Variants in GALNT13 observed in about 807,000 individuals in gnomAD.
GALNT13 encodes UDP-GalNAc:polypeptide N-acetylgalactosaminyltransferase 13.
Under a neutral mutation model 64.2 loss-of-function variants are expected in GALNT13, and 28 were observed. The ratio of observed to expected loss-of-function variants is 0.44; its 90% confidence interval spans 0.32 to 0.60. The LOEUF (loss-of-function observed/expected upper bound fraction) is 0.60, where lower values mean the gene tolerates loss of function less well. Ranked by LOEUF, GALNT13 falls within the 20% of genes least tolerant of loss-of-function variation. GALNT13 has a pLI of 0.05. For synonymous variants in GALNT13, 214 were observed against 224.6 expected (o/e 0.95, Z 0.42); for missense variants, 577 against 669.8 (o/e 0.86, Z 1.53).
At chr2:153,875,785 A>G (rs1209883361) in intron 1 of GALNT13, among the ~76,000 whole-genome samples, 1 of 152,214 alleles carries the variant, frequency 6.6e-6, no homozygotes, top group Non-Finnish European at 1.5e-5. Context: ...TTATAATGCT[A>G]CATATCTCTG....
intron 3 of GALNT13, among the ~76,000 whole-genome samples, chr2:154,084,545 G>T (rs1480237264): frequency 1.3e-5 from 2 of 151,786 alleles, no homozygotes; most frequent in African/African-American, 2.4e-5. Flanking sequence ...CTGTAAAACT[G>T]CTTACTACAA....
chr2:153,248,579 TGAG>T, the GALNT13 span, among the ~76,000 whole-genome samples: 1 of 151,766 alleles, frequency 6.6e-6, no homozygotes, highest in Non-Finnish European at 1.5e-5. Flanking sequence ...TTTGGGAGGC[TGAG>T]GAGGGCAGAT....
At chr2:153,323,706 T>G in the GALNT13 span, among the ~76,000 whole-genome samples, 1 of 152,206 alleles carries the variant, frequency 6.6e-6, no homozygotes, top group Admixed American at 6.5e-5. Context: ...TTTCTGCATA[T>G]GGCTAGGCAG....
the GALNT13 span, among the ~76,000 whole-genome samples, chr2:153,278,305 T>C: frequency 6.6e-6 from 1 of 152,176 alleles, no homozygotes; most frequent in Non-Finnish European, 1.5e-5. Context: ...TTCTGTAGGT[T>C]GTCTGTTTAC....
At chr2:153,195,750 C>T in the GALNT13 span, among the ~76,000 whole-genome samples, 7 of 152,192 alleles carry the variant, frequency 4.6e-5, no homozygotes, top group South Asian at 6.2e-4. Context: ...CACCATTCAG[C>T]GGGTCCCGAG....
At chr2:154,456,387 C>CGT (rs1702033583), downstream of GALNT13, among the ~76,000 whole-genome samples, 1 of 152,030 alleles carries the variant, frequency 6.6e-6, no homozygotes, top group Non-Finnish European at 1.5e-5. Context: ...TTTAAATATT[C>CGT]ATACATTTTT....
chr2:154,055,945 A>G (rs987757261), intron 3 of GALNT13, among the ~76,000 whole-genome samples: 1 of 152,128 alleles, frequency 6.6e-6, no homozygotes, highest in Non-Finnish European at 1.5e-5. Context: ...AAAGGAGGTT[A>G]AATGACATCT....
intron 2 of GALNT13, among the ~76,000 whole-genome samples, chr2:153,902,454 C>T (rs1054658631): frequency 6.6e-6 from 1 of 152,032 alleles, no homozygotes; most frequent in African/African-American, 2.4e-5. Flanking sequence ...AAAAAGAACT[C>T]TCAAGGAAAC....
intron 4 of GALNT13, among the ~76,000 whole-genome samples, chr2:154,204,267 C>T (rs1687322345): frequency 6.6e-6 from 1 of 152,144 alleles, no homozygotes; most frequent in Non-Finnish European, 1.5e-5. Context: ...TTAAGTGTTT[C>T]ATAGAACTTA....
In GALNT13 at chr2:154,453,675, G is replaced by A. The variant is rs1452797947; in HGVS notation, c.*3124G>A. The A allele has an allele frequency of 6.6e-6, 1 of 151,972 alleles. No individual in the cohort carries two copies. Among genetic ancestry groups the A allele is most frequent in the African/African-American group, 2.4e-5 (1 of 41,368 alleles). 9.4% of individuals were successfully genotyped at this position (151,972 alleles called of 1,614,324 possible). Reference sequence around the variant, plus strand: ...TAGAAGGTAAGTCCCATGAAGGCAGGGGCTTTGTCAGTTTTGTTCATTTGG... The same window carrying A: ...TAGAAGGTAAGTCCCATGAAGGCAGAGGCTTTGTCAGTTTTGTTCATTTGG... On this transcript the variant is annotated 3_prime_UTR_variant, in exon 13 of 13. Coordinates refer to ENST00000392825, the MANE Select transcript of GALNT13 (RefSeq NM_052917.4).
At chr2:153,208,469 G>A in the GALNT13 span, among the ~76,000 whole-genome samples, 1 of 151,322 alleles carries the variant, frequency 6.6e-6, no homozygotes, top group East Asian at 1.9e-4. Context: ...ATCAATCCAG[G>A]ATGTTGAACA....
At chr2:153,170,984 C>A in the GALNT13 span, among the ~76,000 whole-genome samples, 1 of 152,156 alleles carries the variant, frequency 6.6e-6, no homozygotes, top group Non-Finnish European at 1.5e-5. Context: ...TTTTAAAATT[C>A]CATCAGCATT....
chr2:153,513,525 C>T, the GALNT13 span, among the ~76,000 whole-genome samples: 1 of 152,210 alleles, frequency 6.6e-6, no homozygotes, highest in East Asian at 1.9e-4. Flanking sequence ...TCACTACCAC[C>T]TACCCTCTTC....
chr2:153,199,256 T>C, the GALNT13 span, among the ~76,000 whole-genome samples: 3 of 152,232 alleles, frequency 2.0e-5, no homozygotes, highest in African/African-American at 7.2e-5. Context: ...ATTCTGATTT[T>C]GGGTGACTAA....
At chr2:153,216,327 T>C in the GALNT13 span, among the ~76,000 whole-genome samples, 9 of 152,042 alleles carry the variant, frequency 5.9e-5, no homozygotes, top group Non-Finnish European at 2.9e-5. Flanking sequence ...TAAATACCTA[T>C]GAGTAGGATT....
At chr2:153,547,162 G>A in the GALNT13 span, among the ~76,000 whole-genome samples, 1 of 152,128 alleles carries the variant, frequency 6.6e-6, no homozygotes. Context: ...TGCATATTTT[G>A]TCACCATTGT....
At chr2:154,284,495 A>G (rs569087553) in intron 8 of GALNT13, among the ~76,000 whole-genome samples, 19 of 151,164 alleles carry the variant, frequency 1.3e-4, no homozygotes, top group Non-Finnish European at 2.5e-4. Flanking sequence ...ATATGTGTGT[A>G]TATATGTATC....
intron 4 of GALNT13, among the ~76,000 whole-genome samples, chr2:154,168,859 A>T (rs1347302136): frequency 1.3e-5 from 2 of 151,922 alleles, no homozygotes; most frequent in African/African-American, 4.8e-5. Context: ...AATAAATAAA[A>T]AAGAGAAAGA....
At chr2:153,171,166 G>A in the GALNT13 span, among the ~76,000 whole-genome samples, 5 of 152,292 alleles carry the variant, frequency 3.3e-5, no homozygotes, top group East Asian at 3.9e-4. Context: ...TGGTCGTCTC[G>A]TTGCCTTTGC....
Sources: allele counts gnomAD v4.1 joint callset (sites outside exome capture counted in the v4.1 genomes callset), GRCh38; gene constraint gnomAD v4.1.1; transcripts MANE v1.5; gene names NCBI Gene and HGNC (gene_info 2026-07-23, HGNC 2026-07-21).